The following MICAL2 variants were observed in gnomAD, a reference collection of about 807,000 sequenced individuals.
MICAL2 encodes the protein microtubule associated monooxygenase, calponin and LIM domain containing 2.
MICAL2 carries 77 observed loss-of-function variants against 127.3 expected under a neutral mutation model. That is an observed-to-expected ratio of 0.60 (90% CI 0.50 to 0.73). The LOEUF is 0.73. MICAL2 is among the 30% of genes least tolerant of loss of function. The probability of loss-of-function intolerance (pLI) is 0.00; values close to 1 mark genes in which losing one functional copy is unlikely to be tolerated. For missense variants in MICAL2, 1,351 were observed against 1,434.4 expected, an observed-to-expected ratio of 0.94 and a Z score of 0.94; for synonymous variants, 570 against 551.1, an observed-to-expected ratio of 1.03 and a Z score of -0.48.
chr11:12,155,136 A>G (rs1346522141), intron 2 of MICAL2, among the ~76,000 whole-genome samples: 1 of 152,226 alleles, frequency 6.6e-6, no homozygotes, highest in East Asian at 1.9e-4. Flanking sequence ...CCTCATGCCT[A>G]GGCCAGAGTT....
At chr11:12,324,174 G>A in intron 31 of MICAL2, 1 of 1,343,650 alleles carries the variant, frequency 7.4e-7, no homozygotes, top group Non-Finnish European at 1.0e-6. Flanking sequence ...GGGAAAGCAG[G>A]CTGGAGAAAG....
intron 12 of MICAL2, among the ~76,000 whole-genome samples, chr11:12,224,173 C>T (rs1246660021): frequency 1.3e-5 from 2 of 152,224 alleles, no homozygotes; most frequent in Non-Finnish European, 2.9e-5. Context: ...AGCCACCACA[C>T]AGTCCTTTCT....
intron 32 of MICAL2, among the ~76,000 whole-genome samples, chr11:12,345,405 A>G (rs1465489931): frequency 6.6e-6 from 1 of 152,240 alleles, no homozygotes; most frequent in East Asian, 1.9e-4. Context: ...AGTCGGCTTC[A>G]TCCAAAGGCT....
intron 2 of MICAL2, among the ~76,000 whole-genome samples, chr11:12,151,961 G>A (rs945896616): frequency 7.9e-5 from 12 of 152,032 alleles, no homozygotes; most frequent in Non-Finnish European, 1.5e-5. Context: ...GCATTTTGGA[G>A]TTTGATGAAA....
intron 3 of MICAL2, among the ~76,000 whole-genome samples, chr11:12,200,100 G>T (rs1860494517): frequency 6.6e-6 from 1 of 152,146 alleles, no homozygotes; most frequent in South Asian, 2.1e-4. Context: ...CTCCTAAGTA[G>T]CAGGCCTGGT....
intron 21 of MICAL2, among the ~76,000 whole-genome samples, chr11:12,247,382 G>A (rs549776655): frequency 6.6e-6 from 1 of 152,324 alleles, no homozygotes; most frequent in Non-Finnish European, 1.5e-5. Context: ...ATTAGATGAT[G>A]TAATTGGGCT....
At chr11:12,262,227 C>T in intron 26 of MICAL2, 1 of 1,374,386 alleles carries the variant, frequency 7.3e-7, no homozygotes, top group Non-Finnish European at 9.4e-7. Context: ...AAAATGGGGG[C>T]AGAGAGGATA....
downstream of MICAL2, among the ~76,000 whole-genome samples, chr11:12,266,370 T>C (rs1565288043): frequency 6.6e-6 from 1 of 152,136 alleles, no homozygotes; most frequent in East Asian, 1.9e-4. Context: ...AACTTGAATG[T>C]GTAAGTCGGT....
In MICAL2 at chr11:12,224,823, G is replaced by A. The variant is rs1857224360; in HGVS notation, c.1688+3G>A. 1 of 1,608,306 alleles carries A rather than the reference G, an allele frequency of 6.2e-7. No homozygotes were observed. The highest frequency in any genetic ancestry group is 1.3e-5 in the African/African-American group (1 of 74,834). On this transcript the variant is annotated splice_donor_region_variant and intron_variant, in intron 13 of 27. Coordinates refer to ENST00000683283, the MANE Select transcript of MICAL2 (RefSeq NM_001282663.2). ...CACCGCTTCCGGCCTGAGCTCATGT[G>A]AGTCTGGGGCCCAGGCTGGCCCCTG...
Position 12,213,029 on chromosome 11 carries a change from T to G in MICAL2, c.692-226T>G, listed in dbSNP as rs115051554. On this transcript the variant is annotated intron_variant, in intron 6 of 27. Transcript: ENST00000683283. ...AAGGATCGCTTTTCCTTTTGTTTAT[T>G]GAAGCCTAACCAGGTCCTGTAGATT... Among the ~76,000 whole-genome samples the G allele has an allele frequency of 8.6e-3, 1,317 of 152,312 alleles. 24 individuals are homozygous for G. Among genetic ancestry groups the G allele is most frequent in the African/African-American group, 0.028 (1,154 of 41,564 alleles).
At chr11:12,285,342 A>G (rs978451355) in intron 2 of MICAL2, among the ~76,000 whole-genome samples, 1 of 152,192 alleles carries the variant, frequency 6.6e-6, no homozygotes, top group Admixed American at 6.5e-5. Context: ...GAATCTTGCA[A>G]CTTCCAGCTG....
chr11:12,305,966 CTATT>C (rs1864105268), intron 29 of MICAL2, among the ~76,000 whole-genome samples: 1 of 152,130 alleles, frequency 6.6e-6, no homozygotes, highest in African/African-American at 2.4e-5. Context: ...TTATAGCCCT[CTATT>C]TAGTCAGATT....
chr11:12,225,364 G>A (rs944081529), intron 13 of MICAL2, among the ~76,000 whole-genome samples: 1 of 152,212 alleles, frequency 6.6e-6, no homozygotes, highest in African/African-American at 2.4e-5. Context: ...GTGCATCTGT[G>A]TTTAAATCAG....
At chr11:12,292,132 T>G, downstream of MICAL2, 7 of 1,612,366 alleles carry the variant, frequency 4.3e-6, no homozygotes, top group Non-Finnish European at 5.9e-6. Context: ...AGTGTGTTCT[T>G]TCCTTGGTAG....
chr11:12,345,969 C>T (rs528583571), intron 32 of MICAL2, among the ~76,000 whole-genome samples: 10 of 152,332 alleles, frequency 6.6e-5, no homozygotes, highest in Admixed American at 2.6e-4. Flanking sequence ...AATTGTGAGA[C>T]GTGTCCTCAA....
At chr11:12,281,743 G>A (rs918409503) in intron 2 of MICAL2, among the ~76,000 whole-genome samples, 1 of 152,226 alleles carries the variant, frequency 6.6e-6, no homozygotes, top group African/African-American at 2.4e-5. Context: ...GTGGTCTCCC[G>A]AAGTCTCAGC....
In MICAL2 at chr11:12,125,065, G is replaced by T. The variant is rs1290565340; in HGVS notation, c.-148-13325G>T. Among the ~76,000 whole-genome samples the T allele has an allele frequency of 2.0e-5, 3 of 152,196 alleles. No individual in the cohort carries two copies. In the East Asian group the frequency reaches 5.8e-4, roughly 29 times the overall value. ...GCCAGGCTTAGCCTTTAGCCACTGG[G>T]GCTTCCTGCGCTCTCAGGGTGTCTG... On this transcript the variant is annotated intron_variant, in intron 1 of 27. Transcript: ENST00000683283.
chr11:12,301,381 A>T (rs1864044694), intron 29 of MICAL2, among the ~76,000 whole-genome samples: 1 of 152,150 alleles, frequency 6.6e-6, no homozygotes, highest in African/African-American at 2.4e-5. Flanking sequence ...ACTATATCAT[A>T]ATTTATTCGT....
At chr11:12,259,618 G>T in intron 25 of MICAL2, 177 bp from the exon 26 acceptor site, 1 of 515,488 alleles carries the variant, frequency 1.9e-6, no homozygotes, top group Non-Finnish European at 3.4e-6. Flanking sequence ...TGGTCAGTTG[G>T]CCCCTAGAAA....
Sources: gnomAD v4.1 joint callset for allele counts (sites outside exome capture counted in the v4.1 genomes callset) on GRCh38, gnomAD v4.1.1 for gene constraint, MANE v1.5 for transcripts, NCBI Gene and HGNC (gene_info 2026-07-23, HGNC 2026-07-21) for gene names.